The following PCDHGC3 variants were observed in gnomAD, a reference collection of about 807,000 sequenced individuals.
The protein encoded by PCDHGC3 is protocadherin gamma-C3.
PCDHGC3 carries 26 observed loss-of-function variants against 59.2 expected under a neutral mutation model. The observed-to-expected ratio is 0.44, with a 90% confidence interval of 0.32 to 0.61. The LOEUF is 0.61. Ranked by LOEUF, PCDHGC3 falls within the 20% of genes least tolerant of loss-of-function variation. The pLI is 0.05. For synonymous variants in PCDHGC3, 487 were observed against 519.7 expected, an observed-to-expected ratio of 0.94 and a Z score of 0.86; for missense variants, 1,080 against 1,221.8, an observed-to-expected ratio of 0.88 and a Z score of 1.73.
chr5:141,510,633 TACCA>T (rs2099882032), intron 3 of PCDHGC3, among the ~76,000 whole-genome samples: 1 of 152,110 alleles, frequency 6.6e-6, no homozygotes, highest in Admixed American at 6.6e-5. Flanking sequence ...AAGAGGTGGT[TACCA>T]TTATCATCCC....
intron 2 of PCDHGC3, among the ~76,000 whole-genome samples, chr5:141,495,128 G>T (rs1408872159): frequency 2.6e-5 from 4 of 152,160 alleles, no homozygotes; most frequent in African/African-American, 9.7e-5. Flanking sequence ...TCCCCTGAGG[G>T]CACTGTGGAA....
At position 141,478,449 on chromosome 5, in the gene PCDHGC3, C is replaced by A; in HGVS notation, c.2333C>A (p.Ala778Glu). Reference sequence around the variant, plus strand: ...GACCCGCTGCTGAAGAAACCTGGTGCAGCCAGTCCACTGGCCAGCCGCCAG... The same window carrying A: ...GACCCGCTGCTGAAGAAACCTGGTGAAGCCAGTCCACTGGCCAGCCGCCAG... ...RSDPLLKKPG[A>E]ASPLASRQNT... The change falls in exon 1 of 4, where the codon GCA becomes GAA. Residue 778 changes from alanine to glutamate, a missense_variant. By Grantham distance (107) the Ala-to-Glu change is moderately radical. Transcript: ENST00000308177. 6.2e-7 allele frequency: 1 copy of A among 1,613,540 alleles called. No individual in the cohort carries two copies.
chr5:141,490,374 C>T lies in PCDHGC3; in HGVS notation c.2431-4433C>T, dbSNP rs1452417604. 1.2e-6 allele frequency: 2 copies of T among 1,614,082 alleles called. No homozygotes were observed. Among genetic ancestry groups the T allele is most frequent in the Middle Eastern group, 1.6e-4 (1 of 6,084 alleles). ...GGTTGTTTAATGTGCGAGACCGGGA[C>T]TCAGGTAGAAATGGTGAAGTGAGCC... On this transcript the variant is annotated intron_variant, in intron 1 of 3. Coordinates refer to ENST00000308177, the MANE Select transcript of PCDHGC3 (RefSeq NM_002588.4). This position sits in a 1 kb window ranked among gnomAD's most constrained non-coding sequence, Gnocchi z 5.4.
At chr5:141,488,208 C>T (rs2099672939) in intron 1 of PCDHGC3, among the ~76,000 whole-genome samples, 1 of 152,152 alleles carries the variant, frequency 6.6e-6, no homozygotes, top group African/African-American at 2.4e-5. Flanking sequence ...GGACTCATAT[C>T]AAGTCCCTAC....
At chr5:141,492,256 A>G (rs1323720621) in intron 1 of PCDHGC3, among the ~76,000 whole-genome samples, 1 of 151,974 alleles carries the variant, frequency 6.6e-6, no homozygotes, top group Non-Finnish European at 1.5e-5. Context: ...CGGCCCACAC[A>G]AGTTGCACGG....
At chr5:141,478,629 T>A in intron 1 of PCDHGC3, 83 bp downstream of exon 1, 1 of 1,553,688 alleles carries the variant, frequency 6.4e-7, no homozygotes, top group Non-Finnish European at 8.7e-7. Context: ...AGCTGTTTTT[T>A]TAGTGATGAA....
Position 141,487,494 on chromosome 5 carries a change from C to A in PCDHGC3, c.2431-7313C>A, listed in dbSNP as rs116370895. On this transcript the variant is annotated intron_variant, in intron 1 of 3. Transcript: ENST00000308177. The surrounding 1 kb of genome is among the most constrained non-coding windows in gnomAD (Gnocchi z 5.0). The stretch of plus-strand genomic sequence containing the variant: ...GGAGGCCACTCTCATGGCTGTACAC[C>A]CTTGGCTTCTGCACCCACTCGGAGT... 1,421 of 1,614,120 alleles carry A rather than the reference C, an allele frequency of 8.8e-4. 3 individuals are homozygous for A. Among genetic ancestry groups the A allele is most frequent in the Non-Finnish European group, 1.2e-3 (1,358 of 1,180,034 alleles).
intron 3 of PCDHGC3, among the ~76,000 whole-genome samples, chr5:141,509,437 C>T (rs923580110): frequency 2.6e-5 from 4 of 152,104 alleles, no homozygotes; most frequent in African/African-American, 9.7e-5. Context: ...ACTCTTGTTT[C>T]CTCCTCTCCC....
intron 3 of PCDHGC3, among the ~76,000 whole-genome samples, chr5:141,510,054 G>A (rs1166696269): frequency 1.3e-5 from 2 of 152,180 alleles, no homozygotes; most frequent in Non-Finnish European, 2.9e-5. Context: ...AAAAGTGATT[G>A]TGCATGTGAA....
In PCDHGC3 at chr5:141,489,201, G is replaced by A. The variant is rs757039294; in HGVS notation, c.2431-5606G>A. ...AGCCCTGGGTCTACCTTGGAGACAG[G>A]ACAGCACAGACTTACTCTCCACAAA... On this transcript the variant is annotated intron_variant, in intron 1 of 3. Coordinates refer to ENST00000308177, the MANE Select transcript of PCDHGC3 (RefSeq NM_002588.4). This position sits in a 1 kb window ranked among gnomAD's most constrained non-coding sequence, Gnocchi z 4.5. The A allele has an allele frequency of 7.8e-6, 11 of 1,416,092 alleles. No individual in the cohort carries two copies. In the African/African-American group the frequency reaches 1.3e-4, roughly 17 times the overall value. 87.7% of individuals were successfully genotyped at this position (1,416,092 alleles called of 1,614,324 possible).
chr5:141,490,180 C>T lies in PCDHGC3; in HGVS notation c.2431-4627C>T, dbSNP rs747366205. On this transcript the variant is annotated intron_variant, in intron 1 of 3. Coordinates refer to ENST00000308177, the MANE Select transcript of PCDHGC3 (RefSeq NM_002588.4). This position sits in a 1 kb window ranked among gnomAD's most constrained non-coding sequence, Gnocchi z 5.4. ...GGGTCCCATAGACTTTGAGGAGTCACGTTTCTATGAAATTCATGCAAGAGC... is the reference window on the plus strand; with the variant it reads ...GGGTCCCATAGACTTTGAGGAGTCATGTTTCTATGAAATTCATGCAAGAGC... 3 of 1,614,208 alleles carry T rather than the reference C, an allele frequency of 1.9e-6. No individual in the cohort carries two copies. Among genetic ancestry groups the T allele is most frequent in the East Asian group, 2.2e-5 (1 of 44,882 alleles).
Position 141,485,996 on chromosome 5 carries a change from G to A in PCDHGC3, c.2430+7450G>A, listed in dbSNP as rs114142606. On this transcript the variant is annotated intron_variant, in intron 1 of 3. Coordinates refer to ENST00000308177, the MANE Select transcript of PCDHGC3 (RefSeq NM_002588.4). The surrounding 1 kb of genome is among the most constrained non-coding windows in gnomAD (Gnocchi z 5.7). ...CTCAGACCCGGACCTGGGTCCCAGT[G>A]GTAACGTCACCTTTTATTTCAGTGG... The A allele has an allele frequency of 1.6e-4, 256 of 1,614,178 alleles. 1 individual carries two copies. Among genetic ancestry groups the A allele is most frequent in the Middle Eastern group, 1.5e-3 (9 of 6,062 alleles).
rs777115265 is a variant in PCDHGC3, at chr5:141,485,247, G to C, written c.2430+6701G>C. ...CTTTTGTTCCTCTTTTACCACCTGG[G>C]TTACGTTTGTGGGCAGATCCGCTAC... On this transcript the variant is annotated intron_variant, in intron 1 of 3. Coordinates refer to ENST00000308177, the MANE Select transcript of PCDHGC3 (RefSeq NM_002588.4). This position sits in a 1 kb window ranked among gnomAD's most constrained non-coding sequence, Gnocchi z 5.7. 8.7e-6 allele frequency: 14 copies of C among 1,614,156 alleles called. No homozygotes were observed. In the African/African-American group the frequency reaches 1.6e-4, roughly 18 times the overall value.
intron 1 of PCDHGC3, chr5:141,478,812 A>C: frequency 1.4e-6 from 2 of 1,453,554 alleles, no homozygotes; most frequent in Non-Finnish European, 1.8e-6. Context: ...TTGCTATCAC[A>C]ACTAACCAAT....
At chr5:141,510,785 C>G (rs951225541) in intron 3 of PCDHGC3, among the ~76,000 whole-genome samples, 162 bp from the exon 4 acceptor site, 1 of 152,150 alleles carries the variant, frequency 6.6e-6, no homozygotes, top group Non-Finnish European at 1.5e-5. Flanking sequence ...ACCCTCAACT[C>G]TTGTGAAGAG....
chr5:141,499,122 A>G (rs971741957), intron 2 of PCDHGC3, among the ~76,000 whole-genome samples: 3 of 152,140 alleles, frequency 2.0e-5, no homozygotes, highest in African/African-American at 7.2e-5. Context: ...ATCCCTTCTC[A>G]GGTCATCCTT....
intron 1 of PCDHGC3, among the ~76,000 whole-genome samples, chr5:141,479,977 A>G (rs145953890): frequency 0.015 from 2,300 of 152,320 alleles, 30 homozygotes; most frequent in Non-Finnish European, 0.024. Context: ...AGGTTCTACC[A>G]TTTACCAACT....
At chr5:141,482,234 A>G (rs11748256) in intron 1 of PCDHGC3, among the ~76,000 whole-genome samples, 44,758 of 152,044 alleles carry the variant, frequency 0.29, 7,110 homozygotes, top group African/African-American at 0.42. Context: ...GAAATTGCCA[A>G]TATAAGTATA....
rs779617960 is a variant in PCDHGC3 at position 141,478,163 on chromosome 5, C to G, written c.2047C>G (p.Pro683Ala). Residue 683 changes from proline to alanine, a missense_variant, in exon 1 of 4, where the codon CCC becomes GCC. Physicochemically the swap from Pro to Ala is conservative, Grantham distance 27. Transcript: ENST00000308177. ...AGCCGAGTTCCCCTCTGGCTCTGCC[C>G]CCCGGGAGCAGAAAAAAAATCTCAC... ...ARAEFPSGSA[P>A]REQKKNLTFY... is the part of the protein sequence containing the mutation. 22 of 1,614,028 alleles carry G rather than the reference C, an allele frequency of 1.4e-5. No homozygotes were observed. Among genetic ancestry groups the G allele is most frequent in the Non-Finnish European group, 1.9e-5 (22 of 1,180,042 alleles).
Sources: gnomAD v4.1 joint callset for allele counts (sites outside exome capture counted in the v4.1 genomes callset) on GRCh38, gnomAD v4.1.1 for gene constraint, Gnocchi (gnomAD v3.1) non-coding constraint, MANE v1.5 for transcripts, NCBI Gene and HGNC (gene_info 2026-07-23, HGNC 2026-07-21) for gene names.